Variants in LCP1 observed in about 807,000 individuals in gnomAD.
LCP1 encodes the protein plastin-2.
A neutral mutation model predicts 72.0 loss-of-function variants in LCP1; 23 were observed. That is an observed-to-expected ratio of 0.32 (90% CI 0.23 to 0.45). The LOEUF is 0.45. Among genes scored for constraint, LCP1 ranks in the 20% least tolerant of loss-of-function variants. The pLI, the probability that LCP1 is intolerant of heterozygous loss-of-function variation, is 1.00. For synonymous variants in LCP1, 245 were observed against 275.4 expected (o/e 0.89, Z 1.09); for missense variants, 571 against 748.3 (o/e 0.76, Z 2.76).
intron 1 of LCP1, among the ~76,000 whole-genome samples, chr13:46,159,964 G>C (rs980153494): frequency 3.3e-5 from 5 of 152,092 alleles, no homozygotes; most frequent in African/African-American, 9.7e-5. Flanking sequence ...CTAGAATCTG[G>C]GCTGGTTTTT....
At chr13:46,147,159 G>C in intron 9 of LCP1, 56 bp from the exon 10 acceptor site, 8 of 1,403,296 alleles carry the variant, frequency 5.7e-6, no homozygotes, top group Non-Finnish European at 6.7e-6. Flanking sequence ...GCACAAAGCA[G>C]ATTGCATAAT....
Position 46,156,891 on chromosome 13 carries a change from G to A in LCP1, c.359-321C>T, listed in dbSNP as rs148043429. On this transcript the variant is annotated intron_variant, in intron 4 of 15. Coordinates refer to ENST00000323076, the MANE Select transcript of LCP1 (RefSeq NM_002298.5). ...GGCTGGAGTGCAGTGGCGCGATCTC[G>A]GCTCACTGCAAGCTCTGCCTCCTGG... Among the ~76,000 whole-genome samples the A allele has an allele frequency of 8.4e-3, 1,250 of 149,594 alleles. 13 individuals carry two copies. Among genetic ancestry groups the A allele is most frequent in the African/African-American group, 0.028 (1,140 of 40,640 alleles).
chr13:46,144,535 A>T lies in LCP1; in HGVS notation c.1175-15T>A. The T allele has an allele frequency of 6.3e-7, 1 of 1,598,786 alleles. No homozygotes were observed. The highest frequency in any genetic ancestry group is 8.6e-7 in the Non-Finnish European group (1 of 1,166,058). ...TCTCGTCTCACCTAGATGAATGAAGATGGGTTATCTTTTGGGACCGAAGAA... is the reference window on the plus strand; with the variant it reads ...TCTCGTCTCACCTAGATGAATGAAGTTGGGTTATCTTTTGGGACCGAAGAA... On this transcript the variant is annotated splice_polypyrimidine_tract_variant and intron_variant, in intron 10 of 15. Coordinates refer to ENST00000323076, the MANE Select transcript of LCP1 (RefSeq NM_002298.5).
At position 46,150,972 on chromosome 13, in the gene LCP1, G is replaced by A; in HGVS notation, c.846C>T (p.Gly282=). ...RWANYHLENA[G]CNKIGNFSTD... ...TACTGAAGTTGCCAATTTTGTTGCAGCCTGCATTTTCCAGGTGGTAATTAG... is the reference window on the plus strand; with the variant it reads ...TACTGAAGTTGCCAATTTTGTTGCAACCTGCATTTTCCAGGTGGTAATTAG... The change falls in exon 8 of 16, where the codon GGC becomes GGT. Residue 282 remains glycine, a synonymous_variant. Transcript: ENST00000323076. 6.2e-7 allele frequency: 1 copy of A among 1,613,908 alleles called. No individual in the cohort carries two copies. Among genetic ancestry groups the A allele is most frequent in the Middle Eastern group, 1.7e-4 (1 of 6,056 alleles).
chr13:46,162,264 TCCCTCC>T (rs1024293920), intron 1 of LCP1, among the ~76,000 whole-genome samples: 4 of 24,866 alleles, frequency 1.6e-4, no homozygotes, highest in Non-Finnish European at 3.5e-4. Flanking sequence ...CCCCTCCCCC[TCCCTCC>T]CCCTCCCCCT....
At chr13:46,142,022 CTACTT>C (rs924206997) in intron 13 of LCP1, among the ~76,000 whole-genome samples, 4 of 151,720 alleles carry the variant, frequency 2.6e-5, no homozygotes, top group African/African-American at 9.7e-5. Flanking sequence ...ATAAAAAAGA[CTACTT>C]TATAAGGACA....
At chr13:46,128,331 G>A (rs1202080247) in intron 15 of LCP1, among the ~76,000 whole-genome samples, 1 of 152,216 alleles carries the variant, frequency 6.6e-6, no homozygotes, top group Non-Finnish European at 1.5e-5. Flanking sequence ...AGGCGCGGTG[G>A]CTCACGCCTG....
chr13:46,159,561 A>G, intron 2 of LCP1, 38 bp downstream of exon 2: 1 of 1,545,426 alleles, frequency 6.5e-7, no homozygotes, highest in Non-Finnish European at 8.9e-7. Flanking sequence ...CTCAGTGAAG[A>G]AGAGAATGAT....
intron 15 of LCP1, among the ~76,000 whole-genome samples, chr13:46,129,953 G>T (rs115138295): frequency 1.3e-5 from 2 of 152,202 alleles, no homozygotes; most frequent in African/African-American, 4.8e-5. Flanking sequence ...GAAGACAGCC[G>T]TGTGAAGTCA....
At chr13:46,137,362 AC>A (rs2045671284) in intron 13 of LCP1, among the ~76,000 whole-genome samples, 1 of 152,056 alleles carries the variant, frequency 6.6e-6, no homozygotes, top group Non-Finnish European at 1.5e-5. Context: ...ACATGGAGAA[AC>A]CCTGTCTCTA....
chr13:46,169,939 T>C (rs2045896669), intron 1 of LCP1, among the ~76,000 whole-genome samples: 1 of 152,236 alleles, frequency 6.6e-6, no homozygotes, highest in African/African-American at 2.4e-5. Flanking sequence ...CATCCTGTTC[T>C]GGAGGCTGGG....
intron 11 of LCP1, 115 bp from the exon 12 acceptor site, chr13:46,143,519 C>T: frequency 1.5e-6 from 1 of 661,224 alleles, no homozygotes; most frequent in Non-Finnish European, 2.7e-6. Context: ...CAACCCTGCA[C>T]ACTTGGTAGT....
At chr13:46,169,739 C>T (rs1160410228) in intron 1 of LCP1, 1 of 152,382 alleles carries the variant, frequency 6.6e-6, no homozygotes, top group Non-Finnish European at 1.5e-5. Flanking sequence ...CGTGCACCAC[C>T]ACACCTTGTT....
At chr13:46,176,931 G>T (rs2045934044) in intron 1 of LCP1, among the ~76,000 whole-genome samples, 2 of 151,824 alleles carry the variant, frequency 1.3e-5, no homozygotes, top group Non-Finnish European at 1.5e-5. Context: ...GAGGGAGGGA[G>T]ACCCTCCCTT....
chr13:46,165,131 GGGAGGCCGA>G (rs1167009046), intron 1 of LCP1, among the ~76,000 whole-genome samples: 1 of 152,156 alleles, frequency 6.6e-6, no homozygotes, highest in Non-Finnish European at 1.5e-5. Flanking sequence ...CCAACATGTT[GGGAGGCCGA>G]GGTGCACGGA....
At chr13:46,154,480 T>C (rs2045788142) in intron 6 of LCP1, among the ~76,000 whole-genome samples, 1 of 152,204 alleles carries the variant, frequency 6.6e-6, no homozygotes, top group African/African-American at 2.4e-5. Context: ...GAAAGGCTTA[T>C]GTTTTCATCT....
intron 14 of LCP1, 125 bp downstream of exon 14, chr13:46,134,002 G>T: frequency 1.2e-6 from 1 of 815,650 alleles, no homozygotes; most frequent in Non-Finnish European, 1.8e-6. Flanking sequence ...AGTCATTTAA[G>T]CAAAATTGAA....
At chr13:46,177,966 A>G (rs780568206) in intron 1 of LCP1, among the ~76,000 whole-genome samples, 2 of 152,176 alleles carry the variant, frequency 1.3e-5, no homozygotes, top group Non-Finnish European at 2.9e-5. Flanking sequence ...TTGGGGAAGT[A>G]TTATGATTAT....
At chr13:46,154,748 A>G (rs762697122) in intron 6 of LCP1, 57 bp downstream of exon 6, 9 of 1,430,408 alleles carry the variant, frequency 6.3e-6, no homozygotes, top group Non-Finnish European at 8.9e-6. Context: ...CTCAGCAGTT[A>G]TGATGCTCAT....
Sources: gnomAD v4.1 joint callset for allele counts (sites outside exome capture counted in the v4.1 genomes callset) on GRCh38, gnomAD v4.1.1 for gene constraint, MANE v1.5 for transcripts, NCBI Gene and HGNC (gene_info 2026-07-23, HGNC 2026-07-21) for gene names.